Variants in B4GALT5 observed in about 807,000 individuals in gnomAD.
The protein encoded by B4GALT5 is UDP-Gal:beta-GlcNAc beta-1,4-galactosyltransferase 5.
In B4GALT5, 11 loss-of-function variants were observed where a neutral mutation model predicts 45.0. The observed-to-expected ratio is 0.24, with a 90% CI of 0.15 to 0.40. The LOEUF is 0.40. B4GALT5 is among the 10% of genes least tolerant of loss of function. The probability of loss-of-function intolerance (pLI) is 1.00; values close to 1 mark genes in which losing one functional copy is unlikely to be tolerated. For synonymous variants in B4GALT5, 185 were observed against 182.9 expected (o/e 1.01, Z -0.09); for missense variants, 337 against 500.2 (o/e 0.67, Z 3.11).
At chr20:49,651,877 C>G (rs2085624281) in intron 2 of B4GALT5, among the ~76,000 whole-genome samples, 2 of 151,948 alleles carry the variant, frequency 1.3e-5, no homozygotes, top group Non-Finnish European at 2.9e-5. Flanking sequence ...CCAGGAGTTT[C>G]AGACCAGCCT....
intron 1 of B4GALT5, among the ~76,000 whole-genome samples, chr20:49,666,486 A>T (rs1414438266): frequency 1.3e-5 from 2 of 152,218 alleles, no homozygotes; most frequent in Non-Finnish European, 2.9e-5. Flanking sequence ...TTCCAGAAAA[A>T]CACTGGAGCC....
chr20:49,691,377 G>A (rs2085810862), intron 1 of B4GALT5, among the ~76,000 whole-genome samples: 6 of 152,050 alleles, frequency 3.9e-5, no homozygotes, highest in Admixed American at 3.9e-4. Flanking sequence ...AATTAGCCAG[G>A]CGTGATGGTA....
Position 49,642,551 on chromosome 20 carries a change from C to T in B4GALT5, c.523G>A (p.Glu175Lys), listed in dbSNP as rs372773726. The change falls in exon 5 of 9, where the codon GAG becomes AAG. Residue 175 changes from glutamate (E) to lysine (K), a missense_variant. Glu to Lys is a moderately conservative substitution (Grantham distance 56). This residue lies in a region of B4GALT5 where 163 missense variants were observed against 292.8 expected (regional missense o/e 0.56). Coordinates refer to ENST00000371711, the MANE Select transcript of B4GALT5 (RefSeq NM_004776.4). ...AILIPFRNRH[E>K]HLPVLFRHLL... ...TGTCTGAACAGGACTGGGAGGTGCT[C>T]GTGGCGGTTCCGGAAGGGGATAAGG... 21 of 1,613,968 alleles carry T rather than the reference C, an allele frequency of 1.3e-5. No homozygotes were observed. The highest frequency in any genetic ancestry group is 1.8e-5 in the Non-Finnish European group (21 of 1,180,004).
intron 1 of B4GALT5, among the ~76,000 whole-genome samples, chr20:49,698,950 T>C (rs2085850524): frequency 6.6e-6 from 1 of 152,126 alleles, no homozygotes; most frequent in South Asian, 2.1e-4. Context: ...CTCATCCCTC[T>C]TTAGAAAAGA....
intron 2 of B4GALT5, among the ~76,000 whole-genome samples, chr20:49,648,436 A>C (rs543358914): frequency 2.5e-4 from 38 of 152,160 alleles, no homozygotes; most frequent in Middle Eastern, 6.8e-3. Context: ...AACAGCTTTC[A>C]ATCTCCCTTT....
intron 2 of B4GALT5, among the ~76,000 whole-genome samples, chr20:49,647,838 G>C (rs934551651): frequency 5.3e-5 from 8 of 151,556 alleles, no homozygotes; most frequent in South Asian, 2.1e-4. Flanking sequence ...AATGTGCTTG[G>C]GGGGAGGTAT....
At chr20:49,649,341 G>A (rs2085611715) in intron 2 of B4GALT5, among the ~76,000 whole-genome samples, 1 of 152,174 alleles carries the variant, frequency 6.6e-6, no homozygotes, top group Admixed American at 6.5e-5. Context: ...CACTTTGGGA[G>A]ACTGAGGCAA....
Position 49,635,976 on chromosome 20 carries a change from C to G in B4GALT5, c.*336G>C, listed in dbSNP as rs2085551623. ...CGGCAGGACCACGGCAGGACCACGGCAGATCACAGTTCATCATGGGTTCTG... is the reference window on the plus strand; with the variant it reads ...CGGCAGGACCACGGCAGGACCACGGGAGATCACAGTTCATCATGGGTTCTG... On this transcript the variant is annotated 3_prime_UTR_variant, in exon 9 of 9. Transcript: ENST00000371711. The G allele has an allele frequency of 7.5e-6, 2 of 266,428 alleles. No individual in the cohort carries two copies. The highest frequency in any genetic ancestry group is 9.8e-5 in the Admixed American group (2 of 20,358). 16.5% of individuals were successfully genotyped at this position (266,428 alleles called of 1,614,324 possible). A position where few individuals can be genotyped will look rare whatever the true frequency, so the allele number is the denominator to read the frequency against.
chr20:49,642,355 G>A (rs898136207), intron 5 of B4GALT5, 113 bp downstream of exon 5: 7 of 799,480 alleles, frequency 8.8e-6, no homozygotes, highest in East Asian at 2.5e-5. Context: ...CAGGCAACTC[G>A]ATCCTAAGAT....
chr20:49,665,458 A>C (rs1480865611), intron 1 of B4GALT5, among the ~76,000 whole-genome samples: 1 of 144,228 alleles, frequency 6.9e-6, no homozygotes, highest in African/African-American at 2.5e-5. Context: ...AATAATAATA[A>C]TAATAATAAT....
chr20:49,708,326 T>C (rs1175561989), intron 1 of B4GALT5, among the ~76,000 whole-genome samples: 1 of 152,234 alleles, frequency 6.6e-6, no homozygotes, highest in Non-Finnish European at 1.5e-5. Context: ...CAACATTCTA[T>C]ATATGAAAGC....
At chr20:49,650,133 T>C (rs1488491223) in intron 2 of B4GALT5, among the ~76,000 whole-genome samples, 1 of 152,156 alleles carries the variant, frequency 6.6e-6, no homozygotes, top group East Asian at 1.9e-4. Context: ...TCCTTTCTAC[T>C]TCCTTCAAAC....
At chr20:49,703,370 C>T (rs1287971424) in intron 1 of B4GALT5, among the ~76,000 whole-genome samples, 1 of 151,866 alleles carries the variant, frequency 6.6e-6, no homozygotes, top group Admixed American at 6.6e-5. Context: ...AATTCCTTTC[C>T]CCAAAGTAAA....
At chr20:49,650,514 G>T (rs185767527) in intron 2 of B4GALT5, among the ~76,000 whole-genome samples, 211 of 149,446 alleles carry the variant, frequency 1.4e-3, no homozygotes, top group African/African-American at 5.2e-3. Context: ...GCAGGTACTT[G>T]TAATCTCAGC....
intron 1 of B4GALT5, among the ~76,000 whole-genome samples, chr20:49,664,425 C>T (rs993834680): frequency 1.1e-5 from 1 of 90,120 alleles, no homozygotes; most frequent in Admixed American, 1.1e-4. Context: ...TCCAAATACA[C>T]ACACACACAC....
At chr20:49,701,386 C>G (rs186690027) in intron 1 of B4GALT5, among the ~76,000 whole-genome samples, 32 of 152,242 alleles carry the variant, frequency 2.1e-4, no homozygotes, top group South Asian at 4.1e-4. Context: ...TAAGTCAGAG[C>G]TGTGGGAGTC....
chr20:49,651,257 G>C (rs2085621389), intron 2 of B4GALT5, among the ~76,000 whole-genome samples: 1 of 152,108 alleles, frequency 6.6e-6, no homozygotes, highest in Non-Finnish European at 1.5e-5. Context: ...CTGCACTCCA[G>C]CCCGGGCAAC....
At chr20:49,696,176 CAA>C (rs2085838886) in intron 1 of B4GALT5, among the ~76,000 whole-genome samples, 1 of 152,158 alleles carries the variant, frequency 6.6e-6, no homozygotes, top group African/African-American at 2.4e-5. Flanking sequence ...CTCAATCATT[CAA>C]AGTTTACTCA....
chr20:49,649,666 T>C lies in B4GALT5; in HGVS notation c.251-2588A>G, dbSNP rs377310816. The stretch of plus-strand genomic sequence containing the variant: ...AAATTCTCTGAGCTCAGCTCATACA[T>C]GCAAACCTGGCCTGGGTTGAATCTT... On this transcript the variant is annotated intron_variant, in intron 2 of 8. Transcript: ENST00000371711. 1.3e-4 allele frequency among the ~76,000 whole-genome samples: 20 copies of C among 152,192 alleles called. No individual in the cohort carries two copies. The South Asian group carries it at 3.7e-3, about 28-fold the overall frequency.
Sources: allele counts gnomAD v4.1 joint callset (sites outside exome capture counted in the v4.1 genomes callset), GRCh38; gene constraint gnomAD v4.1.1; regional missense constraint gnomAD v4.1.1; transcripts MANE v1.5; gene names NCBI Gene and HGNC (gene_info 2026-07-23, HGNC 2026-07-21).